ANKRD26: variants seen among roughly 807,000 people sequenced by gnomAD.
ANKRD26 encodes the protein ankyrin repeat domain 26, also known as ankyrin repeat domain-containing protein 26.
ANKRD26 carries 141 observed loss-of-function variants against 208.7 expected under a neutral mutation model. The observed-to-expected ratio is 0.68, with a 90% CI of 0.59 to 0.78. The LOEUF (loss-of-function observed/expected upper bound fraction) is 0.78, where lower values mean the gene tolerates loss of function less well. Ranked by LOEUF, ANKRD26 falls within the 30% of genes least tolerant of loss-of-function variation. The pLI, the probability that ANKRD26 is intolerant of heterozygous loss-of-function variation, is 0.00. For missense variants in ANKRD26, 1,889 were observed against 1,938.7 expected (o/e 0.97, Z 0.48); for synonymous variants, 636 against 660.4 (o/e 0.96, Z 0.57).
Position 27,040,198 on chromosome 10 carries a change from A to G in ANKRD26, c.2162-20T>C, listed in dbSNP as rs373051710. The G allele has an allele frequency of 2.3e-5, 36 of 1,558,564 alleles. No individual in the cohort carries two copies. The African/African-American group carries it at 3.5e-4, about 15-fold the overall frequency. ...CAGAATCTGTATCAGGAAGAAAACA[A>G]GATAGAAATATATGAGCATTTTTCC... On this transcript the variant is annotated intron_variant, in intron 20 of 33. Transcript: ENST00000376087.
At chr10:27,057,592 T>C in intron 15 of ANKRD26, among the ~76,000 whole-genome samples, 1 of 152,244 alleles carries the variant, frequency 6.6e-6, no homozygotes, top group East Asian at 1.9e-4. Flanking sequence ...CGTACCACTA[T>C]GTTCAGAATT....
At chr10:26,995,054 C>T in exon 5 of ANKRD26, 1 of 471,128 alleles carries the variant, frequency 2.1e-6, no homozygotes, top group South Asian at 1.5e-5. Context: ...TCTATCTCAG[C>T]ATTATCCAGT....
In ANKRD26 at chr10:27,092,420, T is replaced by C. The variant is rs2297145; in HGVS notation, c.624A>G (p.Val208=). 319,860 of 1,607,082 alleles carry C rather than the reference T, an allele frequency of 0.2. 38,653 individuals are homozygous for C. The highest frequency in any genetic ancestry group is 0.58 in the East Asian group (25,736 of 44,750). ...AGCTACTGTACCTTTCCAACTTATC[T>C]ACTGCATTTACATTTGCTTTTTTCT... ...LIKKKANVNA[V]DKLESSHQLI... is the part of the protein sequence containing the mutation. Residue 208 remains valine (V), a synonymous_variant, in exon 4 of 34, where the codon GTA becomes GTG. Transcript: ENST00000376087.
rs755382486 is a variant in ANKRD26, at chr10:27,043,429, T to C, written c.2158A>G (p.Lys720Glu). 5 of 1,613,900 alleles carry C rather than the reference T, an allele frequency of 3.1e-6. No homozygotes were observed. Among genetic ancestry groups the C allele is most frequent in the Middle Eastern group, 1.6e-4 (1 of 6,080 alleles). ...TAAATTTATGCAATGGTCCTACCTT[T>C]ACACTCCATTCCAAGTTGTTCAATG... ...LLIEQLGMECKDSVSLLKIQD... is the reference protein window; with the variant it reads ...LLIEQLGMECEDSVSLLKIQD... The change falls in exon 20 of 34, where the codon AAA becomes GAA. Residue 720 changes from lysine (K) to glutamate (E), a missense_variant. Physicochemically the swap from Lys to Glu is moderately conservative, Grantham distance 56 (BLOSUM62 1). Transcript: ENST00000376087.
rs12572862 is a variant in ANKRD26, at chr10:27,033,374, C to G, written c.3658G>C (p.Val1220Leu). The G allele has an allele frequency of 0.017, 27,064 of 1,608,624 alleles. 1,801 individuals are homozygous for G. The East Asian group carries it at 0.2, about 12-fold the overall frequency. ...YENEKAEREV[V>L]VRQLQQELAD... Reference sequence around the variant, plus strand: ...AGTTCTTGTTGAAGTTGTCTCACAACAACCTGATAAGACATTTTGTTACTG... The same window carrying G: ...AGTTCTTGTTGAAGTTGTCTCACAAGAACCTGATAAGACATTTTGTTACTG... The change falls in exon 25 of 34, where the codon GTT becomes CTT. Residue 1220 changes from valine to leucine, a missense_variant. Around this residue, in one of 3 missense-constraint regions of ANKRD26, gnomAD observed 613 missense variants for 648.2 expected, o/e 0.95. Coordinates refer to ENST00000376087, the MANE Select transcript of ANKRD26 (RefSeq NM_014915.3).
rs2052794321 is a variant in ANKRD26 at position 27,004,257 on chromosome 10, A to G, written c.*1333T>C. On this transcript the variant is annotated 3_prime_UTR_variant, in exon 34 of 34. Coordinates refer to ENST00000376087, the MANE Select transcript of ANKRD26 (RefSeq NM_014915.3). ...ATAATATCCAAAAATTATTTGTACTACCTCTTATAATCTTTCTGTAAGTCT... is the reference window on the plus strand; with the variant it reads ...ATAATATCCAAAAATTATTTGTACTGCCTCTTATAATCTTTCTGTAAGTCT... The G allele has an allele frequency of 6.6e-6, 1 of 152,194 alleles. No homozygotes were observed. 9.4% of individuals were successfully genotyped at this position (152,194 alleles called of 1,614,324 possible). A position where few individuals can be genotyped will look rare whatever the true frequency, so the allele number is the denominator to read the frequency against.
Position 27,035,272 on chromosome 10 carries a change from CA to C in ANKRD26, c.3177del (p.Asn1059LysfsTer18). Reference protein sequence around the residue: ...NFDVSNLKDNNEILSQQLFKT... With the variant: ...NFDVSNLKDNXEILSQQLFKT... ...TTAAATAGTTGTTGAGAAAGAATCT[CA>C]TTGTTATCTTTTAGGTTAGACACAT... is the stretch of plus-strand genomic sequence containing the variant. On this transcript the variant is annotated frameshift_variant, in exon 24 of 34. Coordinates refer to ENST00000376087, the MANE Select transcript of ANKRD26 (RefSeq NM_014915.3). LOFTEE classifies it high-confidence loss of function. 1 of 1,613,898 alleles carries C rather than the reference CA, an allele frequency of 6.2e-7. No individual in the cohort carries two copies. Among genetic ancestry groups the C allele is most frequent in the East Asian group, 2.2e-5 (1 of 44,872 alleles).
chr10:27,015,689 C>T (rs543485254), intron 30 of ANKRD26, among the ~76,000 whole-genome samples: 2 of 152,172 alleles, frequency 1.3e-5, no homozygotes, highest in South Asian at 2.1e-4. Context: ...GGAGTGAAGA[C>T]TTTCTACTCT....
In ANKRD26 at chr10:27,040,129, T is replaced by C; in HGVS notation, c.2211A>G (p.Arg737=). The part of the protein sequence containing the change: ...KIQDAALSCE[R]LLELKKNHCE... ...AGTGATTTTTTTTAAGTTCTAATAATCTTTCACATGAAAGAGCTGCATCCT... is the reference window on the plus strand; with the variant it reads ...AGTGATTTTTTTTAAGTTCTAATAACCTTTCACATGAAAGAGCTGCATCCT... Residue 737 remains arginine, a synonymous_variant, in exon 21 of 34, where the codon AGA becomes AGG. Transcript: ENST00000376087. The C allele has an allele frequency of 5.6e-6, 9 of 1,613,140 alleles. No homozygotes were observed. The highest frequency in any genetic ancestry group is 6.8e-6 in the Non-Finnish European group (8 of 1,179,686).
At chr10:26,975,143 A>G (rs1156396174) in exon 6 of ANKRD26, among the ~76,000 whole-genome samples, 1 of 152,072 alleles carries the variant, frequency 6.6e-6, no homozygotes, top group Non-Finnish European at 1.5e-5. Context: ...GAATTGTTTG[A>G]CTCTTTAACC....
chr10:26,952,019 T>C, the ANKRD26 span, among the ~76,000 whole-genome samples: 1 of 151,808 alleles, frequency 6.6e-6, no homozygotes, highest in Admixed American at 6.6e-5. Flanking sequence ...GCAGTCTTAA[T>C]GTTCCTTATC....
intron 32 of ANKRD26, among the ~76,000 whole-genome samples, chr10:27,010,628 TG>T (rs2053066133): frequency 6.6e-6 from 1 of 152,152 alleles, no homozygotes; most frequent in Non-Finnish European, 1.5e-5. Flanking sequence ...CCCAAGAAGC[TG>T]GGACTACAAG....
At chr10:27,058,759 G>A (rs1231855687) in intron 15 of ANKRD26, among the ~76,000 whole-genome samples, 2 of 151,062 alleles carry the variant, frequency 1.3e-5, no homozygotes, top group Non-Finnish European at 2.9e-5. Flanking sequence ...TATTTTTTTA[G>A]TAGAGACGGG....
intron 6 of ANKRD26, chr10:27,080,685 C>A (rs1345133939): frequency 1.0e-6 from 1 of 985,366 alleles, no homozygotes; most frequent in East Asian, 1.1e-4. Flanking sequence ...GCATCTCCAA[C>A]CTTTAAGTCT....
rs779576235 is a variant in ANKRD26 at position 27,038,030 on chromosome 10, CTCT to C, written c.2397_2399del (p.Glu800del). 23 of 1,610,744 alleles carry C rather than the reference CTCT, an allele frequency of 1.4e-5. No homozygotes were observed. The East Asian group carries it at 4.2e-4, about 30-fold the overall frequency. On this transcript the variant is annotated inframe_deletion, in exon 22 of 34. Transcript: ENST00000376087. ...ACAACGTATCAGCATTTCTTCTCTTCTCTTCTTCTTGGTTTAAGCTAAATCTGC... is the reference window on the plus strand; with the variant it reads ...ACAACGTATCAGCATTTCTTCTCTTCTCTTCTTGGTTTAAGCTAAATCTGC...
chr10:27,024,596 C>G, intron 27 of ANKRD26, 37 bp from the exon 28 acceptor site: 1 of 1,172,908 alleles, frequency 8.5e-7, no homozygotes, highest in Non-Finnish European at 1.3e-6. Flanking sequence ...TTTTAAAACT[C>G]TGGAAACACT....
intron 11 of ANKRD26, chr10:27,066,269 A>C (rs1370804556): frequency 5.5e-6 from 2 of 366,426 alleles, no homozygotes; most frequent in Non-Finnish European, 9.6e-6. Context: ...ACTATCCTTC[A>C]CTGGATTCTT....
At position 27,093,216 on chromosome 10, in the gene ANKRD26, ATTAAG is replaced by A. The variant is rs543616062; in HGVS notation, c.531+128_531+132del. ...AACATTTAAAGTAAAATCTTAGACA[ATTAAG>A]TTATTTTAAAATACTTTCAGTCAGG... On this transcript the variant is annotated intron_variant, in intron 3 of 33. Transcript: ENST00000376087. 326 of 860,718 alleles carry A rather than the reference ATTAAG, an allele frequency of 3.8e-4. 3 individuals are homozygous for A. The East Asian group carries it at 8.4e-3, about 22-fold the overall frequency. 53.3% of individuals were successfully genotyped at this position (860,718 alleles called of 1,614,324 possible). A position where few individuals can be genotyped will look rare whatever the true frequency, so the allele number is the denominator to read the frequency against.
the ANKRD26 span, among the ~76,000 whole-genome samples, chr10:26,961,802 T>C: frequency 3.9e-5 from 6 of 152,142 alleles, no homozygotes; most frequent in East Asian, 1.2e-3. Context: ...TGGAAACAAC[T>C]CCATAACCAT....
Sources: allele counts gnomAD v4.1 joint callset (sites outside exome capture counted in the v4.1 genomes callset), GRCh38; gene constraint gnomAD v4.1.1; regional missense constraint gnomAD v4.1.1; transcripts MANE v1.5; gene names NCBI Gene and HGNC (gene_info 2026-07-23, HGNC 2026-07-21).